Variants in MYO18B observed in about 807,000 individuals in gnomAD.
The protein encoded by MYO18B is myosin XVIIIB, also known as unconventional myosin-XVIIIb.
Under a neutral mutation model 273.0 loss-of-function variants are expected in MYO18B, and 204 were observed. The observed-to-expected ratio is 0.75, with a 90% CI of 0.67 to 0.84. MYO18B has a LOEUF of 0.84. Among genes scored for constraint, MYO18B ranks in the 40% least tolerant of loss-of-function variants. The probability of loss-of-function intolerance (pLI) is 0.00; values close to 1 mark genes in which losing one functional copy is unlikely to be tolerated. For synonymous variants in MYO18B, 1,330 were observed against 1,305.7 expected, an observed-to-expected ratio of 1.02 and a Z score of -0.40; for missense variants, 3,212 against 3,287.6, an observed-to-expected ratio of 0.98 and a Z score of 0.56.
intron 29 of MYO18B, chr22:25,899,184 G>T (rs2091879128): frequency 6.6e-6 from 1 of 152,240 alleles, no homozygotes; most frequent in Admixed American, 6.5e-5. Context: ...TGAGGCGATG[G>T]TGGAGCCTGG....
chr22:25,767,196 C>A (rs1226399652), intron 3 of MYO18B, among the ~76,000 whole-genome samples: 10 of 152,192 alleles, frequency 6.6e-5, no homozygotes, highest in Non-Finnish European at 5.9e-5. Context: ...GCTCTTCAGG[C>A]CATAGCCAGG....
chr22:25,915,760 T>C (rs1296523342), intron 33 of MYO18B, among the ~76,000 whole-genome samples: 3 of 152,228 alleles, frequency 2.0e-5, no homozygotes, highest in Non-Finnish European at 2.9e-5. Flanking sequence ...AAACCTTTCT[T>C]AGTCATATGT....
At chr22:25,921,703 TG>T (rs1458368195) in intron 34 of MYO18B, among the ~76,000 whole-genome samples, 3 of 6,232 alleles carry the variant, frequency 4.8e-4, no homozygotes, top group Admixed American at 1.6e-3. Flanking sequence ...GTGTGCCTGT[TG>T]TGTGTGTGTG....
chr22:25,841,063 C>A (rs1270349549), intron 17 of MYO18B, among the ~76,000 whole-genome samples: 1 of 152,232 alleles, frequency 6.6e-6, no homozygotes, highest in East Asian at 1.9e-4. Flanking sequence ...GCTCGCTGTT[C>A]ATGACCTCAT....
intron 21 of MYO18B, among the ~76,000 whole-genome samples, chr22:25,853,811 T>A (rs939111068): frequency 6.6e-6 from 1 of 152,072 alleles, no homozygotes; most frequent in Non-Finnish European, 1.5e-5. Context: ...ATGGACTTGG[T>A]TGGGAATTTT....
At chr22:25,765,204 G>T (rs2086462557) in intron 3 of MYO18B, among the ~76,000 whole-genome samples, 1 of 152,192 alleles carries the variant, frequency 6.6e-6, no homozygotes, top group Admixed American at 6.5e-5. Context: ...CAGGTGGCTG[G>T]ACCATGGGCC....
chr22:25,978,053 C>G (rs2093111547), intron 39 of MYO18B, among the ~76,000 whole-genome samples: 1 of 152,122 alleles, frequency 6.6e-6, no homozygotes, highest in Non-Finnish European at 1.5e-5. Context: ...GTGGTGACTT[C>G]TAAGTTCTGA....
chr22:25,830,621 C>T (rs1601826588), intron 15 of MYO18B, among the ~76,000 whole-genome samples: 1 of 152,304 alleles, frequency 6.6e-6, no homozygotes, highest in East Asian at 1.9e-4. Flanking sequence ...CTTGGGCTGT[C>T]CTTGTAGTGC....
At position 25,992,504 on chromosome 22, in the gene MYO18B, A is replaced by C; in HGVS notation, c.6287+11A>C. ...CAGTGATACTGAGAGGTAACTTGCT[A>C]GGGGCTCGGCGGGGCTGGGCGCAGC... On this transcript the variant is annotated intron_variant, in intron 40 of 43. Transcript: ENST00000335473. 6.2e-7 allele frequency: 1 copy of C among 1,613,710 alleles called. No individual in the cohort carries two copies. The highest frequency in any genetic ancestry group is 8.5e-7 in the Non-Finnish European group (1 of 1,179,820).
At chr22:25,745,975 C>T (rs1045304926) in intron 1 of MYO18B, among the ~76,000 whole-genome samples, 6 of 152,070 alleles carry the variant, frequency 3.9e-5, no homozygotes, top group African/African-American at 1.4e-4. Flanking sequence ...ATTTTACAGG[C>T]CAGGAAGTGA....
intron 3 of MYO18B, among the ~76,000 whole-genome samples, chr22:25,765,956 A>G (rs2086490434): frequency 1.3e-5 from 2 of 152,216 alleles, no homozygotes; most frequent in South Asian, 2.1e-4. Context: ...CCAGAAGGTC[A>G]GGAGAAGCTA....
intron 20 of MYO18B, 125 bp downstream of exon 20, chr22:25,847,777 C>A: frequency 1.5e-6 from 1 of 686,838 alleles, no homozygotes; most frequent in Non-Finnish European, 2.5e-6. Flanking sequence ...ATCCTGGTTA[C>A]TCTTCCCAGC....
chr22:25,990,706 AAAAAAAAAAAAAAAGAAAAAG>A lies in MYO18B; in HGVS notation c.6157-1645_6157-1625del, dbSNP rs1441027897. ...TGTCTCAAAAAAAAAAAAAAAAAAA[AAAAAAAAAAAAAAAGAAAAAG>A]AAAAAAAAAAAGACTCCAGGCTAAG... On this transcript the variant is annotated intron_variant, in intron 39 of 43. Transcript: ENST00000335473. Among the ~76,000 whole-genome samples, 309 of 36,958 alleles carry A rather than the reference AAAAAAAAAAAAAAAGAAAAAG, an allele frequency of 8.4e-3. 70 individuals are homozygous for A. The highest frequency in any genetic ancestry group is 0.048 in the African/African-American group (245 of 5,138). 24.2% of individuals were successfully genotyped at this position (36,958 alleles called of 152,430 possible). A position where few individuals can be genotyped will look rare whatever the true frequency, so the allele number is the denominator to read the frequency against.
chr22:25,783,688 T>G (rs1601682571), intron 10 of MYO18B, among the ~76,000 whole-genome samples: 1 of 152,192 alleles, frequency 6.6e-6, no homozygotes, highest in South Asian at 2.1e-4. Context: ...ATGCCAGACG[T>G]TCATTCCAAG....
chr22:26,043,659 C>T, the MYO18B span, among the ~76,000 whole-genome samples: 13 of 151,518 alleles, frequency 8.6e-5, no homozygotes, highest in East Asian at 3.9e-4. Flanking sequence ...TACAGGCGTG[C>T]GCCACCACGT....
chr22:25,789,202 C>A (rs1182900362), intron 11 of MYO18B, among the ~76,000 whole-genome samples: 1 of 152,024 alleles, frequency 6.6e-6, no homozygotes, highest in East Asian at 1.9e-4. Flanking sequence ...TGCTCCCCAA[C>A]AGCAAGACAC....
chr22:26,008,470 C>T (rs1234958629), intron 42 of MYO18B, among the ~76,000 whole-genome samples: 1 of 152,172 alleles, frequency 6.6e-6, no homozygotes, highest in African/African-American at 2.4e-5. Flanking sequence ...AAGAAGGTCA[C>T]TCTAAAAACA....
chr22:25,945,489 C>T (rs376147080), intron 34 of MYO18B, among the ~76,000 whole-genome samples: 1 of 152,148 alleles, frequency 6.6e-6, no homozygotes, highest in African/African-American at 2.4e-5. Context: ...TGGTGATGCA[C>T]CAGGGGTGAC....
At chr22:25,870,414 A>G (rs1306980749) in intron 22 of MYO18B, among the ~76,000 whole-genome samples, 1 of 152,244 alleles carries the variant, frequency 6.6e-6, no homozygotes. Context: ...TTGTAATACA[A>G]TGGTAATGAC....
Sources: allele counts gnomAD v4.1 joint callset (sites outside exome capture counted in the v4.1 genomes callset), GRCh38; gene constraint gnomAD v4.1.1; transcripts MANE v1.5; gene names NCBI Gene and HGNC (gene_info 2026-07-23, HGNC 2026-07-21).